PHACTR1: variants seen among roughly 807,000 people sequenced by gnomAD.
PHACTR1 encodes the protein phosphatase and actin regulator 1.
In PHACTR1, 16 loss-of-function variants were observed where a neutral mutation model predicts 69.2. That is an observed-to-expected ratio of 0.23 (90% confidence interval 0.16 to 0.35). The LOEUF (loss-of-function observed/expected upper bound fraction) is 0.35. Ranked by LOEUF, PHACTR1 falls within the 10% of genes least tolerant of loss-of-function variation. The pLI is 1.00. For synonymous variants in PHACTR1, 312 were observed against 284.5 expected (o/e 1.10, Z -0.97); for missense variants, 510 against 734.7 (o/e 0.69, Z 3.54).
chr6:12,733,949 T>C (rs2127575781), intron 3 of PHACTR1, among the ~76,000 whole-genome samples: 1 of 152,296 alleles, frequency 6.6e-6, no homozygotes, highest in Non-Finnish European at 1.5e-5. Context: ...CGAGGAACGC[T>C]CAACATTCAA....
Position 13,060,620 on chromosome 6 carries a change from G to GTTCCCT in PHACTR1, c.415+7091_415+7092insTTCCCT, listed in dbSNP as rs1561769338. 4.1e-4 allele frequency among the ~76,000 whole-genome samples: 63 copies of GTTCCCT among 152,310 alleles called. No individual in the cohort carries two copies. In the South Asian group the frequency reaches 6.4e-3, roughly 16 times the overall value. On this transcript the variant is annotated intron_variant, in intron 5 of 14. Coordinates refer to ENST00000332995, the MANE Select transcript of PHACTR1 (RefSeq NM_030948.6). ...TGAACTCTACTGCAATCAGAGGGAA[G>GTTCCCT]CTGCAGCAGTAGACAGAATAATACA...
intron 4 of PHACTR1, among the ~76,000 whole-genome samples, chr6:12,904,770 T>C (rs1417880944): frequency 1.3e-5 from 2 of 152,110 alleles, no homozygotes; most frequent in African/African-American, 4.8e-5. Context: ...TAATATGTCA[T>C]GTAAAGGGCA....
chr6:13,071,125 G>A (rs75546762), intron 5 of PHACTR1, among the ~76,000 whole-genome samples: 4 of 152,170 alleles, frequency 2.6e-5, no homozygotes, highest in African/African-American at 4.8e-5. Context: ...TAATGTCATC[G>A]CATGAATGAA....
At chr6:12,908,994 C>T (rs964876880) in intron 4 of PHACTR1, among the ~76,000 whole-genome samples, 3 of 152,008 alleles carry the variant, frequency 2.0e-5, no homozygotes, top group Non-Finnish European at 4.4e-5. Flanking sequence ...CATGAGGAGA[C>T]GGTGGGGGGA....
rs1766345979 is a variant in PHACTR1 at position 12,749,815 on chromosome 6, C to G, written c.250+25C>G. 11 of 1,542,780 alleles carry G rather than the reference C, an allele frequency of 7.1e-6. No individual in the cohort carries two copies. The East Asian group carries it at 2.3e-4, about 32-fold the overall frequency. On this transcript the variant is annotated intron_variant, in intron 4 of 14. Transcript: ENST00000332995. The stretch of plus-strand genomic sequence containing the variant: ...GGTAAGAACGCCCCTGGCGCCGCGC[C>G]CCCGCCCCCGCCCTGCTCCCTCCCT...
At chr6:13,113,969 A>T (rs1817433456) in intron 5 of PHACTR1, among the ~76,000 whole-genome samples, 2 of 152,246 alleles carry the variant, frequency 1.3e-5, no homozygotes, top group Admixed American at 1.3e-4. Context: ...TAATTTTAGA[A>T]ACATAAAATG....
intron 3 of PHACTR1, among the ~76,000 whole-genome samples, chr6:12,726,915 C>T (rs1762866196): frequency 6.6e-6 from 1 of 152,192 alleles, no homozygotes; most frequent in African/African-American, 2.4e-5. Context: ...TGTAATCATA[C>T]TGTTTTCCAG....
chr6:13,199,406 A>C (rs4715150), intron 7 of PHACTR1, among the ~76,000 whole-genome samples: 29,248 of 145,890 alleles, frequency 0.2, 3,907 homozygotes, highest in Non-Finnish European at 0.28. Context: ...AAAAAAAAAA[A>C]AAAAAACATT....
chr6:13,123,462 T>G (rs571638842), intron 5 of PHACTR1, among the ~76,000 whole-genome samples: 1 of 152,288 alleles, frequency 6.6e-6, no homozygotes, highest in Non-Finnish European at 1.5e-5. Context: ...CATTAAACAT[T>G]TAAAGGCTTA....
chr6:12,906,219 C>T (rs1335654433), intron 4 of PHACTR1, among the ~76,000 whole-genome samples: 2 of 151,862 alleles, frequency 1.3e-5, no homozygotes, highest in Admixed American at 6.6e-5. Flanking sequence ...CAGTGGCATT[C>T]GACTATAGAA....
intron 4 of PHACTR1, among the ~76,000 whole-genome samples, chr6:12,980,238 G>A (rs906868866): frequency 2.6e-5 from 4 of 152,178 alleles, no homozygotes; most frequent in African/African-American, 4.8e-5. Flanking sequence ...GTGTGTGTAC[G>A]TGTGCATGTG....
chr6:12,933,791 A>G, intron 4 of PHACTR1: 1 of 1,612,826 alleles, frequency 6.2e-7, no homozygotes, highest in East Asian at 2.2e-5. Flanking sequence ...CTCAGGCCCC[A>G]GTACAGGTGG....
chr6:12,871,282 A>T (rs192056182), intron 4 of PHACTR1, among the ~76,000 whole-genome samples: 2 of 152,308 alleles, frequency 1.3e-5, no homozygotes, highest in East Asian at 3.9e-4. Flanking sequence ...TTCACTAGAC[A>T]TTTACAAGTC....
chr6:12,835,447 G>A (rs1279549719), intron 4 of PHACTR1, among the ~76,000 whole-genome samples: 2 of 151,982 alleles, frequency 1.3e-5, no homozygotes, highest in Non-Finnish European at 2.9e-5. Flanking sequence ...GGCCGGTTGA[G>A]GAAATACTTT....
intron 6 of PHACTR1, among the ~76,000 whole-genome samples, chr6:13,181,707 A>G (rs1762198669): frequency 1.3e-5 from 2 of 152,102 alleles, no homozygotes; most frequent in Admixed American, 6.6e-5. Flanking sequence ...GCAGCCTGTT[A>G]GGTGCAGATG....
At chr6:12,931,969 AC>A (rs1379228443) in intron 4 of PHACTR1, among the ~76,000 whole-genome samples, 1 of 151,474 alleles carries the variant, frequency 6.6e-6, no homozygotes, top group African/African-American at 2.4e-5. Context: ...ATGGTCCCAG[AC>A]CAGCTGTATC....
chr6:13,021,571 C>T (rs1800976910), intron 4 of PHACTR1, among the ~76,000 whole-genome samples: 1 of 152,202 alleles, frequency 6.6e-6, no homozygotes, highest in Non-Finnish European at 1.5e-5. Context: ...CATTGTAACT[C>T]CATGTTTAAC....
chr6:13,066,725 G>A (rs1461752032), intron 5 of PHACTR1, among the ~76,000 whole-genome samples: 1 of 152,078 alleles, frequency 6.6e-6, no homozygotes. Flanking sequence ...GTCATCTGGA[G>A]GCTCCCTAAG....
chr6:13,064,640 G>A (rs1808336026), intron 5 of PHACTR1, among the ~76,000 whole-genome samples: 3 of 112,062 alleles, frequency 2.7e-5, no homozygotes, highest in East Asian at 3.1e-4. Context: ...GCCAGACTAT[G>A]GAGGATTCAC....
Sources: gnomAD v4.1 joint callset for allele counts (sites outside exome capture counted in the v4.1 genomes callset) on GRCh38, gnomAD v4.1.1 for gene constraint, MANE v1.5 for transcripts, NCBI Gene and HGNC (gene_info 2026-07-23, HGNC 2026-07-21) for gene names.